The following CABIN1 variants were observed in gnomAD, a reference collection of about 807,000 sequenced individuals.
The protein encoded by CABIN1 is calcineurin-binding protein cabin-1.
CABIN1 carries 133 observed loss-of-function variants against 227.7 expected under a neutral mutation model. That is an observed-to-expected ratio of 0.58 (90% CI 0.51 to 0.67). CABIN1 has a LOEUF of 0.67. Among genes scored for constraint, CABIN1 ranks in the 30% least tolerant of loss-of-function variants. The pLI is 0.00. For synonymous variants in CABIN1, 1,086 were observed against 1,155.1 expected (o/e 0.94, Z 1.21); for missense variants, 2,408 against 2,852.5 (o/e 0.84, Z 3.55).
At chr22:24,135,159 G>A (rs188544170) in intron 29 of CABIN1, among the ~76,000 whole-genome samples, 69 of 152,094 alleles carry the variant, frequency 4.5e-4, no homozygotes, top group African/African-American at 1.6e-3. Flanking sequence ...GGGAGGCCAA[G>A]GCGGGCAGAT....
chr22:24,023,460 C>G (rs2035865391), intron 1 of CABIN1, among the ~76,000 whole-genome samples: 1 of 152,180 alleles, frequency 6.6e-6, no homozygotes, highest in Non-Finnish European at 1.5e-5. Flanking sequence ...AACTACTAAA[C>G]TGTTTTCCAC....
intron 31 of CABIN1, 54 bp downstream of exon 31, chr22:24,165,680 C>T (rs1458992174): frequency 6.8e-7 from 1 of 1,469,220 alleles, no homozygotes; most frequent in Admixed American, 1.8e-5. Flanking sequence ...GCTTCCAAGC[C>T]CTTCCCAGGT....
intron 28 of CABIN1, among the ~76,000 whole-genome samples, chr22:24,123,470 C>G (rs1166423381): frequency 2.6e-5 from 4 of 152,142 alleles, no homozygotes; most frequent in East Asian, 1.9e-4. Flanking sequence ...TAGGGTGGTT[C>G]CCATTGGCTT....
At position 24,066,457 on chromosome 22, in the gene CABIN1, AC is replaced by A. The variant is rs536522209; in HGVS notation, c.2038-527del. 9.8e-5 allele frequency among the ~76,000 whole-genome samples: 15 copies of A among 152,296 alleles called. No individual in the cohort carries two copies. In the East Asian group the frequency reaches 2.9e-3, roughly 29 times the overall value. Reference sequence around the variant, plus strand: ...CACTTTATTCATTGTGCAGCTCCAGACCCTGCTGCAGTTCTGCATCTGTGAC... The same window carrying A: ...CACTTTATTCATTGTGCAGCTCCAGACCTGCTGCAGTTCTGCATCTGTGAC... On this transcript the variant is annotated intron_variant, in intron 15 of 36. Coordinates refer to ENST00000263119, the MANE Select transcript of CABIN1 (RefSeq NM_012295.4).
At chr22:24,105,662 A>G (rs891425765) in intron 26 of CABIN1, among the ~76,000 whole-genome samples, 1 of 152,044 alleles carries the variant, frequency 6.6e-6, no homozygotes, top group Non-Finnish European at 1.5e-5. Context: ...ACCCAGCCCC[A>G]TAGGAAGTTT....
intron 30 of CABIN1, 140 bp downstream of exon 30, chr22:24,164,703 G>A: frequency 9.7e-7 from 1 of 1,027,476 alleles, no homozygotes; most frequent in South Asian, 1.4e-5. Flanking sequence ...ATTCTCCTTG[G>A]GGGCCTCTCT....
intron 27 of CABIN1, among the ~76,000 whole-genome samples, chr22:24,115,676 G>A (rs1405483865): frequency 6.6e-6 from 1 of 152,140 alleles, no homozygotes; most frequent in African/African-American, 2.4e-5. Flanking sequence ...ATCTCCCATT[G>A]GGTAGCAGCC....
At position 24,019,391 on chromosome 22, in the gene CABIN1, A is replaced by C. The variant is rs184253319; in HGVS notation, c.-75+8024A>C. Among the ~76,000 whole-genome samples, 86 of 151,292 alleles carry C rather than the reference A, an allele frequency of 5.7e-4. 1 individual carries two copies. Among genetic ancestry groups the C allele is most frequent in the African/African-American group, 1.9e-3 (80 of 41,296 alleles). On this transcript the variant is annotated intron_variant, in intron 1 of 36. Transcript: ENST00000263119. ...TTGATCCTCCTGCCTTGGCCTCCCA[A>C]AGTGCTGGGATTACAGGCGTGAGCC...
intron 28 of CABIN1, among the ~76,000 whole-genome samples, chr22:24,120,715 A>T (rs2043359449): frequency 6.6e-6 from 1 of 152,220 alleles, no homozygotes; most frequent in Non-Finnish European, 1.5e-5. Context: ...CGGGAGGCTG[A>T]GTCATGAGAA....
At chr22:24,173,564 G>T (rs866943587) in intron 34 of CABIN1, among the ~76,000 whole-genome samples, 5 of 152,208 alleles carry the variant, frequency 3.3e-5, no homozygotes, top group African/African-American at 4.8e-5. Context: ...GGCCAGGCGC[G>T]GTGGCTCACG....
chr22:24,166,198 G>A (rs577309216), intron 31 of CABIN1, among the ~76,000 whole-genome samples: 7 of 152,298 alleles, frequency 4.6e-5, no homozygotes, highest in South Asian at 4.1e-4. Context: ...CCCAGGCCTC[G>A]TGCATTAAGG....
At chr22:24,083,899 C>T (rs897450686) in intron 20 of CABIN1, among the ~76,000 whole-genome samples, 3 of 152,134 alleles carry the variant, frequency 2.0e-5, no homozygotes, top group Admixed American at 1.3e-4. Context: ...GTTTTTAGAG[C>T]GCTATTGAGT....
chr22:24,059,193 T>G (rs760599989), intron 10 of CABIN1, 34 bp from the exon 11 acceptor site: 1 of 1,613,750 alleles, frequency 6.2e-7, no homozygotes, highest in Non-Finnish European at 8.5e-7. Context: ...AGAACGTGTG[T>G]TGTGACTTTG....
intron 1 of CABIN1, among the ~76,000 whole-genome samples, chr22:24,028,749 G>A (rs1270757810): frequency 6.6e-6 from 1 of 151,990 alleles, no homozygotes; most frequent in Non-Finnish European, 1.5e-5. Context: ...CTGTGTGGAG[G>A]GTATGACTGA....
intron 29 of CABIN1, 81 bp from the exon 30 acceptor site, chr22:24,164,319 T>A (rs1569305759): frequency 6.4e-7 from 1 of 1,566,242 alleles, no homozygotes; most frequent in Non-Finnish European, 8.7e-7. Flanking sequence ...TGTGGCAGTT[T>A]CCAGGGGATA....
At chr22:24,085,616 T>C (rs1038953447) in intron 22 of CABIN1, among the ~76,000 whole-genome samples, 1 of 152,226 alleles carries the variant, frequency 6.6e-6, no homozygotes, top group African/African-American at 2.4e-5. Flanking sequence ...TGCAGTGCAC[T>C]GTTAGCAGTA....
intron 19 of CABIN1, among the ~76,000 whole-genome samples, chr22:24,076,546 G>A (rs1246845964): frequency 6.6e-6 from 1 of 152,154 alleles, no homozygotes; most frequent in Non-Finnish European, 1.5e-5. Flanking sequence ...ACAGCAGGTG[G>A]ATTTAGATCT....
intron 19 of CABIN1, among the ~76,000 whole-genome samples, chr22:24,076,524 C>T (rs149495880): frequency 1.2e-4 from 18 of 152,254 alleles, no homozygotes; most frequent in African/African-American, 3.1e-4. Context: ...CAGGAAGCTC[C>T]GGAGCTCTTG....
chr22:24,151,670 C>G (rs935289272), intron 29 of CABIN1, among the ~76,000 whole-genome samples: 4 of 152,130 alleles, frequency 2.6e-5, no homozygotes, highest in Admixed American at 1.3e-4. Context: ...CACTTCAGGC[C>G]TCAGCTCACA....
Sources: allele counts gnomAD v4.1 joint callset (sites outside exome capture counted in the v4.1 genomes callset), GRCh38; gene constraint gnomAD v4.1.1; transcripts MANE v1.5; gene names NCBI Gene and HGNC (gene_info 2026-07-23, HGNC 2026-07-21).